Variants in ALG6 observed in about 807,000 individuals in gnomAD.
ALG6 encodes the protein ALG6 alpha-1,3-glucosyltransferase, also known as dolichyl pyrophosphate Man9GlcNAc2 alpha-1,3-glucosyltransferase.
ALG6 carries 46 observed loss-of-function variants against 66.6 expected under a neutral mutation model. That is an observed-to-expected ratio of 0.69 (90% CI 0.55 to 0.88). The LOEUF is 0.88. Ranked by LOEUF, ALG6 falls within the 40% of genes least tolerant of loss-of-function variation. The pLI is 0.00. For synonymous variants in ALG6, 185 were observed against 203.7 expected (o/e 0.91, Z 0.78); for missense variants, 505 against 586.8 (o/e 0.86, Z 1.44).
At position 63,411,350 on chromosome 1, in the gene ALG6, C is replaced by T. The variant is rs765412846; in HGVS notation, c.680+19C>T. On this transcript the variant is annotated intron_variant, in intron 8 of 14. Coordinates refer to ENST00000263440, the MANE Select transcript of ALG6 (RefSeq NM_013339.4). ...GAAAGGGGTGAGTGACTTTTAAACA[C>T]TAGAATCCAAAAATTTACTTCAGAT... 3.7e-6 allele frequency: 6 copies of T among 1,607,116 alleles called. No homozygotes were observed. The highest frequency in any genetic ancestry group is 5.1e-6 in the Non-Finnish European group (6 of 1,176,794).
intron 12 of ALG6, among the ~76,000 whole-genome samples, chr1:63,422,151 AT>A: frequency 1.9e-5 from 1 of 51,746 alleles, no homozygotes; most frequent in Non-Finnish European, 3.3e-5. Flanking sequence ...ATATATAAAT[AT>A]AAATATATAT....
chr1:63,382,780 A>G (rs557646308), intron 2 of ALG6, among the ~76,000 whole-genome samples: 1 of 146,486 alleles, frequency 6.8e-6, no homozygotes, highest in African/African-American at 2.5e-5. Context: ...GGTTCATGCC[A>G]TTCTCCTGCC....
intron 4 of ALG6, 117 bp downstream of exon 4, chr1:63,402,460 ATTTTTTTTTTTT>A (rs760751565): frequency 1.5e-5 from 4 of 262,788 alleles, no homozygotes; most frequent in African/African-American, 8.9e-5. Flanking sequence ...CTGCTATTGT[ATTTTTTTTTTTT>A]TTTTTTTTTT....
chr1:63,405,951 C>G lies in ALG6; in HGVS notation c.347-366C>G, dbSNP rs115599578. Among the ~76,000 whole-genome samples, 680 of 152,012 alleles carry G rather than the reference C, an allele frequency of 4.5e-3. 6 individuals carry two copies. Among genetic ancestry groups the G allele is most frequent in the African/African-American group, 0.015 (626 of 41,486 alleles). ...CCAACATTTAAAAAAGATTTTCTTA[C>G]ACATCACTACATTTCAGTTATTCTT... On this transcript the variant is annotated intron_variant, in intron 5 of 14. Transcript: ENST00000263440.
At position 63,438,414 on chromosome 1, in the gene ALG6, A is replaced by G. The variant is rs1383838710; in HGVS notation, c.*1394A>G. On this transcript the variant is annotated 3_prime_UTR_variant, in exon 15 of 15. Coordinates refer to ENST00000263440, the MANE Select transcript of ALG6 (RefSeq NM_013339.4). ...GGCTGGTGTAGCTTTATTTTTAAAAATATTTTTTGTAATAGTACACTTGTG... is the reference window on the plus strand; with the variant it reads ...GGCTGGTGTAGCTTTATTTTTAAAAGTATTTTTTGTAATAGTACACTTGTG... The G allele has an allele frequency of 6.6e-6, 1 of 152,214 alleles. No individual in the cohort carries two copies. Among genetic ancestry groups the G allele is most frequent in the Non-Finnish European group, 1.5e-5 (1 of 68,028 alleles). The allele number at this position is 152,214 out of a possible 1,614,324, so 9.4% of individuals were successfully genotyped here.
At chr1:63,421,121 C>T (rs1483693401) in intron 12 of ALG6, among the ~76,000 whole-genome samples, 1 of 150,986 alleles carries the variant, frequency 6.6e-6, no homozygotes, top group Non-Finnish European at 1.5e-5. Context: ...TAAAACAGAG[C>T]AAGAGTAATT....
At chr1:63,368,541 C>T (rs1421289262) in intron 1 of ALG6, among the ~76,000 whole-genome samples, 2 of 152,034 alleles carry the variant, frequency 1.3e-5, no homozygotes, top group Non-Finnish European at 2.9e-5. Context: ...TGCTCTGTCG[C>T]CCAGGCTGGA....
chr1:63,392,186 T>C lies in ALG6; in HGVS notation c.83-4327T>C, dbSNP rs76747379. On this transcript the variant is annotated intron_variant, in intron 2 of 14. Transcript: ENST00000263440. Reference sequence around the variant, plus strand: ...ATAAAAGGATGATTTTTTTTTTTTTTCTTCAGACAAGTCTTGCTCTGTCAC... The same window carrying C: ...ATAAAAGGATGATTTTTTTTTTTTTCCTTCAGACAAGTCTTGCTCTGTCAC... 2.6e-5 allele frequency among the ~76,000 whole-genome samples: 4 copies of C among 151,962 alleles called. No homozygotes were observed. The South Asian group carries it at 8.3e-4, about 32-fold the overall frequency.
intron 14 of ALG6, among the ~76,000 whole-genome samples, chr1:63,436,434 T>C (rs778489100): frequency 6.6e-6 from 1 of 152,138 alleles, no homozygotes; most frequent in Non-Finnish European, 1.5e-5. Flanking sequence ...TAGCTTAGAA[T>C]TTTATATCCT....
rs1644442112 is a variant in ALG6 at position 63,400,222 on chromosome 1, CGTATATATATATATAT to C, written c.168-2031_168-2016del. Among the ~76,000 whole-genome samples, 3 of 12,248 alleles carry C rather than the reference CGTATATATATATATAT, an allele frequency of 2.4e-4. 1 individual carries two copies. In the South Asian group the frequency reaches 0.011, roughly 44 times the overall value. The allele number at this position is 12,248 out of a possible 152,430, so 8.0% of individuals were successfully genotyped here. ...AAAAAAAAAAATATATATATATATACGTATATATATATATATATATACGTATATATATGTATATATA... is the reference window on the plus strand; with the variant it reads ...AAAAAAAAAAATATATATATATATACATATACGTATATATATGTATATATA... On this transcript the variant is annotated intron_variant, in intron 3 of 14. Transcript: ENST00000263440.
intron 8 of ALG6, among the ~76,000 whole-genome samples, chr1:63,411,562 G>A (rs1350201267): frequency 6.6e-6 from 1 of 152,072 alleles, no homozygotes; most frequent in Non-Finnish European, 1.5e-5. Context: ...AGTGTGGATT[G>A]GGTAGTTAGA....
At position 63,380,053 on chromosome 1, in the gene ALG6, A is replaced by T. The variant is rs1570036548; in HGVS notation, c.82+8994A>T. On this transcript the variant is annotated intron_variant, in intron 2 of 14. Coordinates refer to ENST00000263440, the MANE Select transcript of ALG6 (RefSeq NM_013339.4). ...GTGCAAGAAGAAAACAGATTTAACC[A>T]CTAATCATCTCCAGAGAGAAGGGAG... Among the ~76,000 whole-genome samples the T allele has an allele frequency of 2.0e-5, 3 of 152,196 alleles. No individual in the cohort carries two copies. The South Asian group carries it at 6.2e-4, about 32-fold the overall frequency.
At chr1:63,434,092 A>C (rs570585937) in intron 14 of ALG6, among the ~76,000 whole-genome samples, 1 of 152,322 alleles carries the variant, frequency 6.6e-6, no homozygotes, top group Non-Finnish European at 1.5e-5. Context: ...TAGAGAGGTA[A>C]CAGTGTAGTT....
In ALG6 at chr1:63,371,079, TAAAA is replaced by T. The variant is rs559834759; in HGVS notation, c.82+27_82+30del. On this transcript the variant is annotated intron_variant, in intron 2 of 14. Coordinates refer to ENST00000263440, the MANE Select transcript of ALG6 (RefSeq NM_013339.4). ...ATTCAGGTAATACATTTTTACTGGTTAAAAAAAAAACGAAATTTTCCTTTGAATA... is the reference window on the plus strand; with the variant it reads ...ATTCAGGTAATACATTTTTACTGGTTAAAAAACGAAATTTTCCTTTGAATA... 2.8e-6 allele frequency: 4 copies of T among 1,423,668 alleles called. No homozygotes were observed. Among genetic ancestry groups the T allele is most frequent in the Non-Finnish European group, 3.9e-6 (4 of 1,036,882 alleles). The allele number at this position is 1,423,668 out of a possible 1,614,324, so 88.2% of individuals were successfully genotyped here.
chr1:63,395,646 G>C (rs1327505156), intron 2 of ALG6, among the ~76,000 whole-genome samples: 1 of 152,190 alleles, frequency 6.6e-6, no homozygotes, highest in Non-Finnish European at 1.5e-5. Context: ...AGTAAGCTGA[G>C]ATTGTGCCAC....
Position 63,370,999 on chromosome 1 carries a change from A to G in ALG6, c.22A>G (p.Thr8Ala), listed in dbSNP as rs758595644. 1 of 1,609,872 alleles carries G rather than the reference A, an allele frequency of 6.2e-7. No homozygotes were observed. The highest frequency in any genetic ancestry group is 1.3e-5 in the African/African-American group (1 of 74,816). Reference protein sequence around the residue: MEKWYLMTVVVLIGLTVR... With the variant: MEKWYLMAVVVLIGLTVR... ...AACTATGGAGAAATGGTACTTGATG[A>G]CAGTAGTGGTTTTAATAGGACTAAC... The change falls in exon 2 of 15, where the codon ACA (threonine) becomes GCA (alanine). Residue 8 changes from threonine to alanine, a missense_variant. Physicochemically the swap from Thr to Ala is moderately conservative, Grantham distance 58 (BLOSUM62 0). Transcript: ENST00000263440.
chr1:63,412,031 ACT>A lies in ALG6; in HGVS notation c.789_790del (p.Phe264ProfsTer3), dbSNP rs767943869. ...REQTLQVLRR[L>X]FPVDRGLFED... ...AACAAACCCTGCAGGTTCTAAGAAG[ACT>A]CTTCCCGGTTGATCGTGGATTATTT... On this transcript the variant is annotated frameshift_variant, in exon 9 of 15. Coordinates refer to ENST00000263440, the MANE Select transcript of ALG6 (RefSeq NM_013339.4). LOFTEE classifies it high-confidence loss of function. 6.2e-7 allele frequency: 1 copy of A among 1,613,840 alleles called. No individual in the cohort carries two copies. Among genetic ancestry groups the A allele is most frequent in the Non-Finnish European group, 8.5e-7 (1 of 1,179,958 alleles).
At chr1:63,388,138 C>T (rs1222186716) in intron 2 of ALG6, among the ~76,000 whole-genome samples, 1 of 151,676 alleles carries the variant, frequency 6.6e-6, no homozygotes, top group Non-Finnish European at 1.5e-5. Flanking sequence ...ACGCTGGTCT[C>T]AAACTTCTGA....
At chr1:63,424,523 T>C (rs1269029179) in intron 12 of ALG6, among the ~76,000 whole-genome samples, 1 of 152,054 alleles carries the variant, frequency 6.6e-6, no homozygotes, top group Non-Finnish European at 1.5e-5. Flanking sequence ...TTATCAGATA[T>C]ATGATTTGCA....
Sources: allele counts gnomAD v4.1 joint callset (sites outside exome capture counted in the v4.1 genomes callset), GRCh38; gene constraint gnomAD v4.1.1; transcripts MANE v1.5; gene names NCBI Gene and HGNC (gene_info 2026-07-23, HGNC 2026-07-21).